Variants in METAP1 observed in about 807,000 individuals in gnomAD.
METAP1 encodes the protein methionine aminopeptidase 1.
In METAP1, 28 loss-of-function variants were observed where a neutral mutation model predicts 53.8. That is an observed-to-expected ratio of 0.52 (90% CI 0.39 to 0.71). The LOEUF (loss-of-function observed/expected upper bound fraction) is 0.71, where lower values mean the gene tolerates loss of function less well. Among genes scored for constraint, METAP1 ranks in the 30% least tolerant of loss-of-function variants. The pLI, the probability that METAP1 is intolerant of heterozygous loss-of-function variation, is 0.00. For synonymous variants in METAP1, 181 were observed against 165.7 expected (o/e 1.09, Z -0.71); for missense variants, 389 against 479.8 (o/e 0.81, Z 1.77).
chr4:99,060,139 T>C (rs1420069951), intron 10 of METAP1, among the ~76,000 whole-genome samples: 2 of 152,160 alleles, frequency 1.3e-5, no homozygotes, highest in Admixed American at 1.3e-4. Context: ...TTTTTAAATG[T>C]ACAGTTCAAT....
At chr4:99,008,754 C>T (rs944473776) in intron 1 of METAP1, among the ~76,000 whole-genome samples, 5 of 152,102 alleles carry the variant, frequency 3.3e-5, no homozygotes, top group Non-Finnish European at 5.9e-5. Context: ...CTAATCAGTG[C>T]TTGGTATGTA....
At chr4:99,023,691 A>T (rs974173455) in intron 1 of METAP1, 2 of 985,260 alleles carry the variant, frequency 2.0e-6, no homozygotes, top group African/African-American at 3.5e-5. Flanking sequence ...GAGGTTCAAG[A>T]TGGGGAGATA....
intron 9 of METAP1, among the ~76,000 whole-genome samples, chr4:99,056,325 A>T (rs535615043): frequency 2.0e-5 from 3 of 152,148 alleles, no homozygotes; most frequent in Non-Finnish European, 4.4e-5. Context: ...ATTTTTGTCT[A>T]AAAAAGCCTA....
In METAP1 at chr4:99,048,740, T is replaced by C. The variant is rs1328699115; in HGVS notation, c.795T>C (p.Pro265=). The part of the protein sequence containing the change: ...CLMQAIDAVK[P]GVRYRELGNI... ...TTTCTTTTTTCCTTTCAGTGAAGCC[T>C]GGTGTTCGGTACAGAGAATTGGGAA... The change falls in exon 9 of 11, where the codon CCT becomes CCC. Residue 265 remains proline, a synonymous_variant. Transcript: ENST00000296411. The C allele has an allele frequency of 6.2e-7, 1 of 1,613,802 alleles. No individual in the cohort carries two copies. The highest frequency in any genetic ancestry group is 1.1e-5 in the South Asian group (1 of 91,034).
chr4:99,044,240 T>C (rs1726069779), intron 7 of METAP1, among the ~76,000 whole-genome samples: 1 of 152,212 alleles, frequency 6.6e-6, no homozygotes, highest in Admixed American at 6.5e-5. Flanking sequence ...GATGGCATTT[T>C]AATATTGATG....
intron 5 of METAP1, 79 bp downstream of exon 5, chr4:99,039,544 T>G (rs1244626527): frequency 1.2e-6 from 1 of 838,802 alleles, no homozygotes; most frequent in East Asian, 2.5e-5. Flanking sequence ...TGCTGATTTA[T>G]AAAGATAGCA....
chr4:99,009,816 T>C (rs572153760), intron 1 of METAP1, among the ~76,000 whole-genome samples: 2 of 152,334 alleles, frequency 1.3e-5, no homozygotes, highest in African/African-American at 4.8e-5. Flanking sequence ...TCCTATTCCA[T>C]AGGTTACCTT....
chr4:99,023,756 G>A (rs1278137122), intron 1 of METAP1: 1 of 985,324 alleles, frequency 1.0e-6, no homozygotes, highest in Admixed American at 6.1e-5. Context: ...TAAGGTGGGA[G>A]TTAGTTGCAC....
At chr4:99,043,074 C>A (rs534619437) in intron 6 of METAP1, among the ~76,000 whole-genome samples, 175 bp from the exon 7 acceptor site, 1 of 152,220 alleles carries the variant, frequency 6.6e-6, no homozygotes, top group African/African-American at 2.4e-5. Context: ...CTGACTGGCA[C>A]AAACCCTGTT....
intron 1 of METAP1, chr4:99,022,296 G>C: frequency 1.5e-6 from 1 of 668,954 alleles, no homozygotes; most frequent in Non-Finnish European, 2.2e-6. Context: ...GAGATGGAAG[G>C]GGCCTCCCTT....
At chr4:99,052,041 T>G (rs910796802) in intron 9 of METAP1, among the ~76,000 whole-genome samples, 1 of 152,214 alleles carries the variant, frequency 6.6e-6, no homozygotes, top group African/African-American at 2.4e-5. Context: ...TCTAGACCCT[T>G]GCAATATAGT....
At chr4:99,036,154 C>T (rs1379048630) in intron 4 of METAP1, 1 of 154,150 alleles carries the variant, frequency 6.5e-6, no homozygotes, top group Admixed American at 6.6e-5. Context: ...TGTGAAATTA[C>T]TGATTTTGCA....
At position 99,061,208 on chromosome 4, in the gene METAP1, G is replaced by A. The variant is rs1727525103; in HGVS notation, c.1052G>A (p.Gly351Glu). The A allele has an allele frequency of 2.5e-6, 4 of 1,613,922 alleles. No individual in the cohort carries two copies. Among genetic ancestry groups the A allele is most frequent in the Non-Finnish European group, 3.4e-6 (4 of 1,179,860 alleles). The change falls in exon 11 of 11, where the codon GGA (glycine) becomes GAA (glutamate). Residue 351 changes from glycine (G) to glutamate (E), a missense_variant. By Grantham distance (98) the Gly-to-Glu change is moderately conservative. Transcript: ENST00000296411. ...PDGWTAVTRD[G>E]KRSAQFEHTL... ...GGTTGGACTGCGGTGACAAGAGACGGAAAGCGGTCTGCTCAGTTTGAGCAC... is the reference window on the plus strand; with the variant it reads ...GGTTGGACTGCGGTGACAAGAGACGAAAAGCGGTCTGCTCAGTTTGAGCAC...
In METAP1 at chr4:99,043,240, G is replaced by T; in HGVS notation, c.517-9G>T. 6.5e-7 allele frequency: 1 copy of T among 1,541,932 alleles called. No individual in the cohort carries two copies. Among genetic ancestry groups the T allele is most frequent in the African/African-American group, 1.4e-5 (1 of 71,758 alleles). On this transcript the variant is annotated splice_polypyrimidine_tract_variant and intron_variant, in intron 6 of 10. Transcript: ENST00000296411. The stretch of plus-strand genomic sequence containing the variant: ...TTATATATTCCAAATTATTTTTTCT[G>T]TATTATAGGCATGTATTGCAAGAAA...
chr4:99,041,299 C>T (rs147616181), intron 6 of METAP1, among the ~76,000 whole-genome samples, 173 bp downstream of exon 6: 1 of 152,192 alleles, frequency 6.6e-6, no homozygotes, highest in African/African-American at 2.4e-5. Context: ...TCATTATTCT[C>T]ATCTTTAAGA....
At position 99,038,696 on chromosome 4, in the gene METAP1, A is replaced by G. The variant is rs537951673; in HGVS notation, c.341-678A>G. 1.2e-3 allele frequency among the ~76,000 whole-genome samples: 176 copies of G among 152,260 alleles called. 3 individuals are homozygous for G. The highest frequency in any genetic ancestry group is 3.9e-3 in the African/African-American group (164 of 41,578). On this transcript the variant is annotated intron_variant, in intron 4 of 10. Transcript: ENST00000296411. ...CATGTATGTAAAACTTGAAGCTAAC[A>G]AATTTTATTAGTGAAGATTTTTAGG...
At position 99,062,378 on chromosome 4, in the gene METAP1, A is replaced by G. The variant is rs1278417249; in HGVS notation, c.*1061A>G. The G allele has an allele frequency of 6.6e-6, 1 of 152,526 alleles. No individual in the cohort carries two copies. The highest frequency in any genetic ancestry group is 1.5e-5 in the Non-Finnish European group (1 of 68,056). 9.4% of individuals were successfully genotyped at this position (152,526 alleles called of 1,614,324 possible). A position where few individuals can be genotyped will look rare whatever the true frequency, so the allele number is the denominator to read the frequency against. On this transcript the variant is annotated 3_prime_UTR_variant, in exon 11 of 11. Transcript: ENST00000296411. ...GCAGCTGTCCTTCGTGTGTGGAAAC[A>G]CACCTCTCCTTTACATAGTTGGGAA...
Position 99,045,345 on chromosome 4 carries a change from T to A in METAP1, c.787+35T>A, listed in dbSNP as rs745461387. 7 of 1,607,574 alleles carry A rather than the reference T, an allele frequency of 4.4e-6. No individual in the cohort carries two copies. In the Admixed American group the frequency reaches 6.7e-5, roughly 15 times the overall value. ...AGTGTTGAGCACCTATTGGCAGTCC[T>A]GTGTGTTGATGGGCCAAGAATGACT... On this transcript the variant is annotated intron_variant, in intron 8 of 10. Coordinates refer to ENST00000296411, the MANE Select transcript of METAP1 (RefSeq NM_015143.3).
In METAP1 at chr4:99,034,384, T is replaced by G. The variant is rs7670154; in HGVS notation, c.279+42T>G. ...ATAAAAACAACATTCCAATTTTGAATTTTCCAAAAATGATACTCGTAATTT... is the reference window on the plus strand; with the variant it reads ...ATAAAAACAACATTCCAATTTTGAAGTTTCCAAAAATGATACTCGTAATTT... On this transcript the variant is annotated intron_variant, in intron 3 of 10. Transcript: ENST00000296411. 0.014 allele frequency: 16,970 copies of G among 1,186,402 alleles called. 1,692 individuals carry two copies. In the African/African-American group the frequency reaches 0.22, roughly 15 times the overall value. The allele number at this position is 1,186,402 out of a possible 1,614,324, so 73.5% of individuals were successfully genotyped here.
Sources: gnomAD v4.1 joint callset for allele counts (sites outside exome capture counted in the v4.1 genomes callset) on GRCh38, gnomAD v4.1.1 for gene constraint, MANE v1.5 for transcripts, NCBI Gene and HGNC (gene_info 2026-07-23, HGNC 2026-07-21) for gene names.